The following FAM47E variants were observed in gnomAD, a reference collection of about 807,000 sequenced individuals.
FAM47E encodes the protein protein FAM47E.
Under a neutral mutation model 41.6 loss-of-function variants are expected in FAM47E, and 32 were observed. That is an observed-to-expected ratio of 0.77 (90% confidence interval 0.58 to 1.03). FAM47E has a LOEUF of 1.03. Ranked by LOEUF, FAM47E falls within the 50% of genes least tolerant of loss-of-function variation. FAM47E has a pLI of 0.00. For missense variants in FAM47E, 424 were observed against 485.4 expected (o/e 0.87, Z 1.19); for synonymous variants, 184 against 188.7 (o/e 0.98, Z 0.20).
intron 2 of FAM47E, among the ~76,000 whole-genome samples, chr4:76,263,203 C>G (rs1578785937): frequency 6.6e-6 from 1 of 152,142 alleles, no homozygotes; most frequent in East Asian, 1.9e-4. Context: ...ACTTTTTGAG[C>G]TATTTCTTCA....
chr4:76,257,059 C>G (rs909352086), intron 2 of FAM47E, among the ~76,000 whole-genome samples: 1 of 152,134 alleles, frequency 6.6e-6, no homozygotes, highest in Non-Finnish European at 1.5e-5. Context: ...GACTTTAGCT[C>G]TATATCCTTA....
At chr4:76,219,931 G>T (rs761182708) in intron 2 of FAM47E, among the ~76,000 whole-genome samples, 15 of 152,202 alleles carry the variant, frequency 9.9e-5, no homozygotes, top group Non-Finnish European at 2.1e-4. Flanking sequence ...TACAACAGTT[G>T]TAAGCATTTC....
intron 3 of FAM47E, chr4:76,267,491 A>G (rs1734690297): frequency 6.6e-6 from 1 of 152,278 alleles, no homozygotes; most frequent in Non-Finnish European, 1.5e-5. Flanking sequence ...CTGGAGAGCC[A>G]GGCCATGCAG....
rs74611363 is a variant in FAM47E at position 76,266,602 on chromosome 4, C to T, written c.561-2058C>T. ...TGGTCTCATGGCCTCCACCCAAGCTCCCCTCTCTCAAGTCTATTTGTCACA... is the reference window on the plus strand; with the variant it reads ...TGGTCTCATGGCCTCCACCCAAGCTTCCCTCTCTCAAGTCTATTTGTCACA... On this transcript the variant is annotated intron_variant, in intron 3 of 7. Coordinates refer to ENST00000424749, the MANE Select transcript of FAM47E (RefSeq NM_001136570.3). Among the ~76,000 whole-genome samples, 44 of 152,316 alleles carry T rather than the reference C, an allele frequency of 2.9e-4. No homozygotes were observed. The East Asian group carries it at 7.3e-3, about 25-fold the overall frequency.
In FAM47E at chr4:76,251,757, G is replaced by T. The variant is rs1193192004; in HGVS notation, c.11G>T (p.Arg4Leu). The T allele has an allele frequency of 6.7e-7, 1 of 1,484,968 alleles. No homozygotes were observed. 92.0% of individuals were successfully genotyped at this position (1,484,968 alleles called of 1,614,324 possible). ...GAAGCTAGGGCCACCATGGCGGACC[G>T]CAGGCGGCGGCTCCGGCCGGGGACG... is the stretch of plus-strand genomic sequence containing the variant. MAD[R>L]RRRLRPGTLA... is the part of the protein sequence containing the mutation. Residue 4 changes from arginine to leucine, a missense_variant, in exon 1 of 8, where the codon CGC becomes CTC. Physicochemically the swap from Arg to Leu is moderately radical, Grantham distance 102. Transcript: ENST00000424749.
Position 76,268,715 on chromosome 4 carries a change from C to T in FAM47E, c.616C>T (p.His206Tyr), listed in dbSNP as rs187818578. Residue 206 changes from histidine to tyrosine, a missense_variant, in exon 4 of 8, where the codon CAT becomes TAT. Coordinates refer to ENST00000424749, the MANE Select transcript of FAM47E (RefSeq NM_001136570.3). The stretch of plus-strand genomic sequence containing the variant: ...CCAATGGCTTTATGAAGAAAAGCCA[C>T]ATAAAATGGATTTGCTCCATGAAAA... ...AGQWLYEEKP[H>Y]KMDLLHENGP... is the part of the protein sequence containing the mutation. The T allele has an allele frequency of 5.1e-4, 784 of 1,551,496 alleles. 1 individual carries two copies. The highest frequency in any genetic ancestry group is 6.7e-4 in the Non-Finnish European group (763 of 1,146,922).
intron 2 of FAM47E, among the ~76,000 whole-genome samples, chr4:76,218,826 G>A (rs1159778051): frequency 6.6e-6 from 1 of 152,156 alleles, no homozygotes; most frequent in African/African-American, 2.4e-5. Flanking sequence ...GAAAAATATA[G>A]TGGGCAAAAA....
intron 2 of FAM47E, among the ~76,000 whole-genome samples, chr4:76,243,613 T>C (rs993030290): frequency 6.6e-6 from 1 of 152,232 alleles, no homozygotes; most frequent in Non-Finnish European, 1.5e-5. Flanking sequence ...CACTATCAAT[T>C]GTATGCAAGA....
At chr4:76,222,878 T>G (rs893360209) in intron 2 of FAM47E, among the ~76,000 whole-genome samples, 4 of 152,104 alleles carry the variant, frequency 2.6e-5, no homozygotes, top group African/African-American at 9.7e-5. Flanking sequence ...GTTTAAGTCT[T>G]GGTCAGGCAA....
At chr4:76,237,565 G>C (rs1304823615) in intron 2 of FAM47E, among the ~76,000 whole-genome samples, 1 of 152,116 alleles carries the variant, frequency 6.6e-6, no homozygotes, top group Non-Finnish European at 1.5e-5. Context: ...TTTGGACCCT[G>C]TGTTAGTCCA....
intron 4 of FAM47E, among the ~76,000 whole-genome samples, chr4:76,271,043 G>A (rs1236853911): frequency 1.3e-5 from 2 of 152,106 alleles, no homozygotes. Flanking sequence ...CTAAGATATA[G>A]CCTTGAGCCA....
At position 76,263,700 on chromosome 4, in the gene FAM47E, G is replaced by A. The variant is rs187553252; in HGVS notation, c.421-4G>A. ...TTTCCTCTAAGACTATTTTCTGTTT[G>A]TAGCTCTTATCAAAGGTGCTGGAAG... is the stretch of plus-strand genomic sequence containing the variant. On this transcript the variant is annotated splice_region_variant and splice_polypyrimidine_tract_variant and intron_variant, in intron 2 of 7. Coordinates refer to ENST00000424749, the MANE Select transcript of FAM47E (RefSeq NM_001136570.3). 3.2e-6 allele frequency: 5 copies of A among 1,550,476 alleles called. No individual in the cohort carries two copies. The highest frequency in any genetic ancestry group is 4.9e-5 in the East Asian group (2 of 40,910).
intron 4 of FAM47E, 89 bp downstream of exon 4, chr4:76,268,857 T>C: frequency 6.7e-7 from 1 of 1,490,700 alleles, no homozygotes; most frequent in Non-Finnish European, 9.0e-7. Context: ...AATGTCAAGC[T>C]CAAAGTTGCT....
At position 76,278,054 on chromosome 4, in the gene FAM47E, T is replaced by C; in HGVS notation, c.871-15T>C. On this transcript the variant is annotated splice_polypyrimidine_tract_variant and intron_variant, in intron 5 of 7. Coordinates refer to ENST00000424749, the MANE Select transcript of FAM47E (RefSeq NM_001136570.3). Reference sequence around the variant, plus strand: ...AAAAAATCAATGGCACTGGGAATTATGTTACTTTCCACAGAATCCTTATAA... The same window carrying C: ...AAAAAATCAATGGCACTGGGAATTACGTTACTTTCCACAGAATCCTTATAA... The C allele has an allele frequency of 1.4e-6, 2 of 1,473,494 alleles. No individual in the cohort carries two copies. The highest frequency in any genetic ancestry group is 1.8e-6 in the Non-Finnish European group (2 of 1,114,710). 91.3% of individuals were successfully genotyped at this position (1,473,494 alleles called of 1,614,324 possible).
At chr4:76,228,490 AAGAAAG>A (rs1733438754) in intron 2 of FAM47E, among the ~76,000 whole-genome samples, 1 of 151,318 alleles carries the variant, frequency 6.6e-6, no homozygotes. Context: ...AAAAAAAAAA[AAGAAAG>A]AAAGAAAAAA....
intron 2 of FAM47E, among the ~76,000 whole-genome samples, chr4:76,238,176 C>T (rs1350942974): frequency 6.6e-6 from 1 of 152,182 alleles, no homozygotes; most frequent in East Asian, 1.9e-4. Context: ...ATTATCAGGT[C>T]TCTTCCTGCC....
At chr4:76,214,367 G>T in exon 1 of FAM47E, 1 of 447,858 alleles carries the variant, frequency 2.2e-6, no homozygotes, top group Non-Finnish European at 4.5e-6. Context: ...AGGGGCATGT[G>T]CAAGAATGGA....
At chr4:76,250,733 A>G (rs554546792), upstream of FAM47E, among the ~76,000 whole-genome samples, 32 of 152,300 alleles carry the variant, frequency 2.1e-4, no homozygotes, top group African/African-American at 7.5e-4. Context: ...AAAAATAACA[A>G]TTGGGCTAAT....
chr4:76,265,331 A>G (rs1207966748), intron 3 of FAM47E, among the ~76,000 whole-genome samples: 8 of 152,100 alleles, frequency 5.3e-5, no homozygotes, highest in Non-Finnish European at 8.8e-5. Flanking sequence ...GACTGGGTGG[A>G]AGGGTCTGCC....
Sources: gnomAD v4.1 joint callset for allele counts (sites outside exome capture counted in the v4.1 genomes callset) on GRCh38, gnomAD v4.1.1 for gene constraint, MANE v1.5 for transcripts, NCBI Gene and HGNC (gene_info 2026-07-23, HGNC 2026-07-21) for gene names.